The following PLCB1 variants were observed in gnomAD, a reference collection of about 807,000 sequenced individuals.
PLCB1 encodes 1-phosphatidylinositol 4,5-bisphosphate phosphodiesterase beta-1.
In PLCB1, 46 loss-of-function variants were observed where a neutral mutation model predicts 161.8. The observed-to-expected ratio is 0.28, with a 90% CI of 0.22 to 0.36. PLCB1 has a LOEUF of 0.36. Ranked by LOEUF, PLCB1 falls within the 10% of genes least tolerant of loss-of-function variation. The probability of loss-of-function intolerance (pLI) is 1.00; values close to 1 mark genes in which losing one functional copy is unlikely to be tolerated. For synonymous variants in PLCB1, 517 were observed against 503.7 expected (o/e 1.03, Z -0.35); for missense variants, 1,016 against 1,472.5 (o/e 0.69, Z 5.07).
intron 31 of PLCB1, among the ~76,000 whole-genome samples, chr20:8,801,266 G>A (rs1351007008): frequency 1.3e-5 from 2 of 152,090 alleles, no homozygotes; most frequent in Non-Finnish European, 2.9e-5. Flanking sequence ...TCTTTCAAAT[G>A]TTTGCTCAAA....
At chr20:8,602,462 A>G (rs1987619966) in intron 3 of PLCB1, among the ~76,000 whole-genome samples, 1 of 152,182 alleles carries the variant, frequency 6.6e-6, no homozygotes, top group Non-Finnish European at 1.5e-5. Flanking sequence ...TCCCTGTCCA[A>G]ATATATTTTA....
chr20:8,463,425 G>T (rs1981680027), intron 3 of PLCB1, among the ~76,000 whole-genome samples: 2 of 151,670 alleles, frequency 1.3e-5, no homozygotes, highest in African/African-American at 4.8e-5. Flanking sequence ...ATACCAGGCA[G>T]CTCTAAAGAT....
intron 31 of PLCB1, among the ~76,000 whole-genome samples, chr20:8,846,820 A>G (rs1986706124): frequency 6.6e-6 from 1 of 152,194 alleles, no homozygotes; most frequent in African/African-American, 2.4e-5. Context: ...TACATGGTCC[A>G]TACAAAAGTC....
chr20:8,872,905 G>T (rs1987656726), intron 31 of PLCB1, among the ~76,000 whole-genome samples: 1 of 152,164 alleles, frequency 6.6e-6, no homozygotes, highest in Non-Finnish European at 1.5e-5. Context: ...GCAAAATGGA[G>T]AATCAATTCT....
At chr20:8,352,625 C>T (rs796640480) in intron 2 of PLCB1, among the ~76,000 whole-genome samples, 6 of 152,006 alleles carry the variant, frequency 3.9e-5, no homozygotes, top group African/African-American at 1.4e-4. Context: ...AGACAACAAC[C>T]TTACTGAAGG....
At chr20:8,528,468 G>A (rs80223888) in intron 3 of PLCB1, among the ~76,000 whole-genome samples, 7 of 152,090 alleles carry the variant, frequency 4.6e-5, no homozygotes, top group Non-Finnish European at 8.8e-5. Context: ...CCATTCATAC[G>A]AGGTTCTAGA....
chr20:8,347,756 TGA>T (rs1461630234), intron 2 of PLCB1, among the ~76,000 whole-genome samples: 1 of 152,128 alleles, frequency 6.6e-6, no homozygotes, highest in Non-Finnish European at 1.5e-5. Flanking sequence ...AAAGATAAAA[TGA>T]AACATAAAGA....
chr20:8,568,978 TA>T (rs1179738451), intron 3 of PLCB1, among the ~76,000 whole-genome samples: 2 of 152,314 alleles, frequency 1.3e-5, no homozygotes, highest in East Asian at 3.9e-4. Flanking sequence ...TGAGAGGTTA[TA>T]ACACAGATCT....
chr20:8,655,341 C>T (rs1483920099), intron 7 of PLCB1, among the ~76,000 whole-genome samples: 2 of 152,090 alleles, frequency 1.3e-5, no homozygotes, highest in Admixed American at 6.6e-5. Flanking sequence ...TTTATTTATA[C>T]CTACTGTATG....
chr20:8,508,538 T>C (rs1007556264), intron 3 of PLCB1, among the ~76,000 whole-genome samples: 1 of 152,298 alleles, frequency 6.6e-6, no homozygotes, highest in African/African-American at 2.4e-5. Context: ...TCCAATCTAT[T>C]GTTTAAACTC....
chr20:8,825,230 C>T (rs1985634803), intron 31 of PLCB1, among the ~76,000 whole-genome samples: 2 of 152,180 alleles, frequency 1.3e-5, no homozygotes, highest in Non-Finnish European at 2.9e-5. Context: ...CAAATGATCT[C>T]CTGAACTAAT....
intron 3 of PLCB1, among the ~76,000 whole-genome samples, chr20:8,523,001 A>G (rs886478937): frequency 4.6e-5 from 7 of 152,260 alleles, no homozygotes; most frequent in African/African-American, 1.7e-4. Flanking sequence ...AAGCTATCAA[A>G]TAAAATGTTG....
intron 9 of PLCB1, among the ~76,000 whole-genome samples, chr20:8,676,046 G>C (rs758277825): frequency 1.3e-5 from 2 of 152,246 alleles, no homozygotes; most frequent in African/African-American, 2.4e-5. Context: ...GGAAAACAGA[G>C]AGTGTGAGGA....
intron 31 of PLCB1, 134 bp from the exon 32 acceptor site, chr20:8,881,488 G>C: frequency 2.8e-6 from 2 of 710,924 alleles, no homozygotes; most frequent in Non-Finnish European, 4.9e-6. Context: ...CTCCTCTATA[G>C]GTGACCAGTG....
chr20:8,234,200 A>G (rs188977155), intron 2 of PLCB1, among the ~76,000 whole-genome samples: 1 of 152,256 alleles, frequency 6.6e-6, no homozygotes, highest in Admixed American at 6.5e-5. Context: ...GGGAGTGCCT[A>G]TACCTAGCTT....
intron 3 of PLCB1, among the ~76,000 whole-genome samples, chr20:8,627,389 T>G (rs930402140): frequency 6.6e-6 from 1 of 151,370 alleles, no homozygotes; most frequent in African/African-American, 2.4e-5. Context: ...CAAAAAGAGG[T>G]CAGAATAGCC....
intron 24 of PLCB1, among the ~76,000 whole-genome samples, chr20:8,759,727 T>G (rs780801388): frequency 6.6e-6 from 1 of 152,082 alleles, no homozygotes; most frequent in African/African-American, 2.4e-5. Flanking sequence ...GTCGAGCTCC[T>G]GACCTCAGCT....
In PLCB1 at chr20:8,708,669, G is replaced by A. The variant is rs2123451785; in HGVS notation, c.1168-1G>A. The A allele has an allele frequency of 6.2e-7, 1 of 1,604,400 alleles. No homozygotes were observed. The highest frequency in any genetic ancestry group is 8.5e-7 in the Non-Finnish European group (1 of 1,171,584). Reference sequence around the variant, plus strand: ...GAATATACATGTGTTCTCATTTTTAGGAAGTGATAGAAGCAATTGCGGAGT... The same window carrying A: ...GAATATACATGTGTTCTCATTTTTAAGAAGTGATAGAAGCAATTGCGGAGT... On this transcript the variant is annotated splice_acceptor_variant, in intron 11 of 31. Coordinates refer to ENST00000338037, the MANE Select transcript of PLCB1 (RefSeq NM_015192.4). LOFTEE classifies it high-confidence loss of function.
chr20:8,693,383 G>C (rs1990522042), intron 10 of PLCB1, among the ~76,000 whole-genome samples: 1 of 152,316 alleles, frequency 6.6e-6, no homozygotes, highest in East Asian at 1.9e-4. Context: ...CACTGGGGCA[G>C]CAGGCAGATA....
Sources: gnomAD v4.1 joint callset for allele counts (sites outside exome capture counted in the v4.1 genomes callset) on GRCh38, gnomAD v4.1.1 for gene constraint, MANE v1.5 for transcripts, NCBI Gene and HGNC (gene_info 2026-07-23, HGNC 2026-07-21) for gene names.